The following LRRC69 variants were observed in gnomAD, a reference collection of about 807,000 sequenced individuals.
The protein encoded by LRRC69 is leucine rich repeat containing 69, also known as leucine-rich repeat-containing protein 69.
A neutral mutation model predicts 37.8 loss-of-function variants in LRRC69; 42 were observed. That is an observed-to-expected ratio of 1.11 (90% CI 0.87 to 1.44). The LOEUF (loss-of-function observed/expected upper bound fraction) is 1.44. Ranked by LOEUF, LRRC69 falls within the 40% of genes most tolerant of loss-of-function variation. The pLI is 0.00. For missense variants in LRRC69, 357 were observed against 401.9 expected (o/e 0.89, Z 0.96); for synonymous variants, 141 against 143.1 (o/e 0.99, Z 0.11).
intron 5 of LRRC69, among the ~76,000 whole-genome samples, chr8:91,177,033 T>C (rs1344760990): frequency 6.6e-6 from 1 of 152,174 alleles, no homozygotes; most frequent in Non-Finnish European, 1.5e-5. Flanking sequence ...GTCATTTTAT[T>C]AAAAATAGGT....
rs1016745659 is a variant in LRRC69 at position 91,157,394 on chromosome 8, T to A, written c.651+21655T>A. ...GCAGATCCTGTATGTCTAGCTAAGATGTATTATTCTGCTGTGGATCCCACT... is the reference window on the plus strand; with the variant it reads ...GCAGATCCTGTATGTCTAGCTAAGAAGTATTATTCTGCTGTGGATCCCACT... On this transcript the variant is annotated intron_variant, in intron 5 of 7. Coordinates refer to ENST00000448384, the Ensembl canonical transcript of LRRC69. 3 of 1,607,574 alleles carry A rather than the reference T, an allele frequency of 1.9e-6. No individual in the cohort carries two copies. The East Asian group carries it at 6.7e-5, about 36-fold the overall frequency.
chr8:91,180,550 G>T (rs150776810), intron 5 of LRRC69, among the ~76,000 whole-genome samples: 1 of 152,170 alleles, frequency 6.6e-6, no homozygotes, highest in Non-Finnish European at 1.5e-5. Flanking sequence ...AAGGGGAGGA[G>T]AATTAGGCTC....
chr8:91,207,879 C>A lies in LRRC69; in HGVS notation c.933+7087C>A, dbSNP rs138710245. 1.7e-3 allele frequency among the ~76,000 whole-genome samples: 266 copies of A among 152,248 alleles called. 1 individual carries two copies. Among genetic ancestry groups the A allele is most frequent in the Middle Eastern group, 3.4e-3 (1 of 294 alleles). On this transcript the variant is annotated intron_variant, in intron 7 of 7. Transcript: ENST00000448384. ...TAACAAAGTATCACAGACTGGGTGG[C>A]TTACACAACAGGAATTGATTTATTA...
chr8:91,104,136 A>T (rs940372411), intron 1 of LRRC69, among the ~76,000 whole-genome samples: 1 of 151,974 alleles, frequency 6.6e-6, no homozygotes, highest in Non-Finnish European at 1.5e-5. Context: ...CACATCTGGA[A>T]TCAGGGGATT....
chr8:91,127,718 C>T (rs538320660), intron 3 of LRRC69, among the ~76,000 whole-genome samples: 10 of 151,280 alleles, frequency 6.6e-5, no homozygotes, highest in Middle Eastern at 3.5e-3. Context: ...AGGCAAAACA[C>T]GCTCTTGGGC....
chr8:91,190,719 G>A (rs2130611651), intron 6 of LRRC69, among the ~76,000 whole-genome samples: 1 of 152,212 alleles, frequency 6.6e-6, no homozygotes, highest in African/African-American at 2.4e-5. Context: ...ACTGTTGGAT[G>A]TTTAAATTAT....
intron 1 of LRRC69, among the ~76,000 whole-genome samples, chr8:91,103,940 G>A (rs1813263907): frequency 6.6e-6 from 1 of 151,674 alleles, no homozygotes; most frequent in African/African-American, 2.4e-5. Flanking sequence ...TGGTTACCGA[G>A]AATTAAATAT....
chr8:91,203,870 A>G (rs1809752649), intron 7 of LRRC69, among the ~76,000 whole-genome samples: 1 of 151,866 alleles, frequency 6.6e-6, no homozygotes, highest in Admixed American at 6.6e-5. Context: ...CTGTAATCCC[A>G]GCACTTTCGG....
intron 3 of LRRC69, chr8:91,130,391 C>T (rs529942678): frequency 6.6e-6 from 1 of 152,312 alleles, no homozygotes; most frequent in East Asian, 1.9e-4. Context: ...TCTCCTGCCT[C>T]AGCCTCCCGA....
chr8:91,173,352 C>T (rs780059822), intron 5 of LRRC69, among the ~76,000 whole-genome samples: 1 of 150,894 alleles, frequency 6.6e-6, no homozygotes, highest in Non-Finnish European at 1.5e-5. Context: ...TGGGTCAATG[C>T]TTCCTTCCTC....
At chr8:91,111,424 C>T (rs1050565861) in intron 1 of LRRC69, among the ~76,000 whole-genome samples, 2 of 151,926 alleles carry the variant, frequency 1.3e-5, no homozygotes, top group African/African-American at 4.8e-5. Context: ...ATCCCAGCTA[C>T]TCGGGAGGCT....
In LRRC69 at chr8:91,202,235, C is replaced by CAACA. The variant is rs201757955; in HGVS notation, c.933+1458_933+1461dup. ...AAAAACAAAAACAAAAACAAAAACACAACAAACAAACAAACAAAAGAAAAC... is the reference window on the plus strand; with the variant it reads ...AAAAACAAAAACAAAAACAAAAACACAACAAACAAACAAACAAACAAAAGAAAAC... On this transcript the variant is annotated intron_variant, in intron 7 of 7. Transcript: ENST00000448384. 2.4e-4 allele frequency among the ~76,000 whole-genome samples: 34 copies of CAACA among 143,240 alleles called. 3 individuals carry two copies. The highest frequency in any genetic ancestry group is 4.4e-5 in the Non-Finnish European group (3 of 67,816). The allele number at this position is 143,240 out of a possible 152,430, so 94.0% of individuals were successfully genotyped here.
chr8:91,203,448 G>A (rs1239315063), intron 7 of LRRC69, among the ~76,000 whole-genome samples: 2 of 150,984 alleles, frequency 1.3e-5, no homozygotes, highest in Admixed American at 1.3e-4. Flanking sequence ...CTAAAGTGCA[G>A]TGGTGGTGAT....
chr8:91,153,689 A>G (rs1808782029), intron 5 of LRRC69, among the ~76,000 whole-genome samples: 1 of 151,978 alleles, frequency 6.6e-6, no homozygotes, highest in Admixed American at 6.6e-5. Context: ...ACAATGTACC[A>G]GAATCTCTGG....
At chr8:91,124,355 A>G (rs1230901420) in intron 1 of LRRC69, 138 bp from the exon 2 acceptor site, 10 of 549,554 alleles carry the variant, frequency 1.8e-5, no homozygotes. Flanking sequence ...AACTTTAGGT[A>G]TAACTGAAAT....
chr8:91,145,275 T>C (rs897839233), intron 5 of LRRC69, among the ~76,000 whole-genome samples: 4 of 151,924 alleles, frequency 2.6e-5, no homozygotes, highest in Admixed American at 2.6e-4. Context: ...CATAAAGCTG[T>C]GGTCAAGAAC....
intron 6 of LRRC69, among the ~76,000 whole-genome samples, chr8:91,190,929 G>A (rs1228801276): frequency 2.0e-5 from 3 of 151,824 alleles, no homozygotes; most frequent in Admixed American, 1.3e-4. Context: ...GGCAGTGTGT[G>A]CCTGTGGTCT....
intron 6 of LRRC69, among the ~76,000 whole-genome samples, chr8:91,197,658 C>A (rs1014525203): frequency 6.6e-6 from 1 of 152,140 alleles, no homozygotes; most frequent in Non-Finnish European, 1.5e-5. Flanking sequence ...ACTCCCTGAC[C>A]CCTTGCGCTT....
chr8:91,133,061 T>C (rs1206500879), intron 3 of LRRC69, 49 bp from the exon 4 acceptor site: 2 of 1,215,480 alleles, frequency 1.6e-6, no homozygotes, highest in Non-Finnish European at 1.1e-6. Flanking sequence ...TAGTGGACTC[T>C]TATTCTTGTG....
Sources: allele counts gnomAD v4.1 joint callset (sites outside exome capture counted in the v4.1 genomes callset), GRCh38; gene constraint gnomAD v4.1.1; transcripts MANE v1.5; gene names NCBI Gene and HGNC (gene_info 2026-07-23, HGNC 2026-07-21).